CDC14A: variants seen among roughly 807,000 people sequenced by gnomAD.
The protein encoded by CDC14A is dual specificity protein phosphatase CDC14A.
Under a neutral mutation model 74.4 loss-of-function variants are expected in CDC14A, and 53 were observed. The ratio of observed to expected loss-of-function variants is 0.71; its 90% CI spans 0.57 to 0.89. The LOEUF is 0.89. CDC14A is among the 40% of genes least tolerant of loss of function. CDC14A has a pLI of 0.00. For synonymous variants in CDC14A, 247 were observed against 258.4 expected, an observed-to-expected ratio of 0.96 and a Z score of 0.43; for missense variants, 646 against 713.7, an observed-to-expected ratio of 0.91 and a Z score of 1.08.
chr1:100,446,234 A>C (rs369414901), intron 7 of CDC14A, among the ~76,000 whole-genome samples: 204 of 152,324 alleles, frequency 1.3e-3, no homozygotes, highest in African/African-American at 4.7e-3. Context: ...TCTTTGCTAA[A>C]GTACATTTAG....
chr1:100,492,545 C>T (rs1460373905), intron 11 of CDC14A, among the ~76,000 whole-genome samples: 2 of 152,112 alleles, frequency 1.3e-5, no homozygotes, highest in Non-Finnish European at 2.9e-5. Flanking sequence ...TAACTATATT[C>T]GTTAAATCAA....
At chr1:100,510,894 C>A (rs1301777232) in intron 15 of CDC14A, among the ~76,000 whole-genome samples, 1 of 152,208 alleles carries the variant, frequency 6.6e-6, no homozygotes, top group East Asian at 1.9e-4. Flanking sequence ...CAACACAACC[C>A]CTTCCTGATC....
At chr1:100,445,063 C>T (rs1665388406) in intron 7 of CDC14A, among the ~76,000 whole-genome samples, 1 of 152,150 alleles carries the variant, frequency 6.6e-6, no homozygotes, top group South Asian at 2.1e-4. Flanking sequence ...ACTTGTAGTA[C>T]ATCTGAATCA....
chr1:100,372,927 C>G (rs1654683860), intron 2 of CDC14A, among the ~76,000 whole-genome samples: 1 of 152,216 alleles, frequency 6.6e-6, no homozygotes, highest in Non-Finnish European at 1.5e-5. Context: ...CTGGTTTCAT[C>G]TTCTATCCAG....
chr1:100,424,372 G>GT, intron 5 of CDC14A, 71 bp downstream of exon 5: 7 of 1,027,276 alleles, frequency 6.8e-6, no homozygotes, highest in Non-Finnish European at 1.1e-5. Flanking sequence ...GGGTTGTAGT[G>GT]TTTTTTAATT....
At chr1:100,354,732 C>T (rs997926242) in intron 2 of CDC14A, among the ~76,000 whole-genome samples, 1 of 152,158 alleles carries the variant, frequency 6.6e-6, no homozygotes, top group Non-Finnish European at 1.5e-5. Flanking sequence ...CTATTTTAAA[C>T]GTTTAAATTA....
intron 8 of CDC14A, among the ~76,000 whole-genome samples, chr1:100,457,865 A>C (rs900577575): frequency 3.3e-5 from 5 of 151,990 alleles, no homozygotes; most frequent in African/African-American, 1.2e-4. Context: ...GAAGTTTTTC[A>C]CTTTTTAAAA....
At chr1:100,480,003 A>G (rs893392401) in intron 10 of CDC14A, among the ~76,000 whole-genome samples, 5 of 152,222 alleles carry the variant, frequency 3.3e-5, no homozygotes, top group Non-Finnish European at 5.9e-5. Flanking sequence ...TATGTATAAC[A>G]TAAACCTTAC....
chr1:100,410,601 G>A (rs761249947), intron 4 of CDC14A, among the ~76,000 whole-genome samples: 17 of 152,234 alleles, frequency 1.1e-4, no homozygotes, highest in Non-Finnish European at 2.2e-4. Context: ...ACAGGCATGA[G>A]CCACTGTGCC....
intron 2 of CDC14A, among the ~76,000 whole-genome samples, chr1:100,371,821 A>T (rs957632423): frequency 6.6e-6 from 1 of 152,222 alleles, no homozygotes; most frequent in Non-Finnish European, 1.5e-5. Context: ...ATATTCATAT[A>T]CAAGTAGAAA....
At chr1:100,370,074 C>T (rs1164030103) in intron 2 of CDC14A, among the ~76,000 whole-genome samples, 1 of 151,636 alleles carries the variant, frequency 6.6e-6, no homozygotes, top group African/African-American at 2.4e-5. Context: ...GCCTCGACCT[C>T]CCGGGCTCAA....
Position 100,520,260 on chromosome 1 carries a change from A to G in CDC14A, c.*1980A>G, listed in dbSNP as rs528623532. The G allele has an allele frequency of 1.3e-5, 2 of 152,692 alleles. No homozygotes were observed. The highest frequency in any genetic ancestry group is 3.9e-4 in the East Asian group (2 of 5,192). 9.5% of individuals were successfully genotyped at this position (152,692 alleles called of 1,614,324 possible). ...AAGAATACACTGCTAATAAATAATA[A>G]AAGTTTTATTCAATTTACTTATTTT... On this transcript the variant is annotated 3_prime_UTR_variant, in exon 16 of 16. Transcript: ENST00000336454.
In CDC14A at chr1:100,462,820, C is replaced by G; in HGVS notation, c.777C>G (p.Ile259Met). Residue 259 changes from isoleucine to methionine, a missense_variant, in exon 9 of 16, where the codon ATC becomes ATG. Transcript: ENST00000336454. ...ATGGCAGCACACCCAGTGACAACAT[C>G]GTGCGAAGGTTCCTGAACATCTGTG... The part of the protein sequence containing the change: ...FIDGSTPSDN[I>M]VRRFLNICEN... 6.2e-7 allele frequency: 1 copy of G among 1,614,060 alleles called. No individual in the cohort carries two copies. The highest frequency in any genetic ancestry group is 8.5e-7 in the Non-Finnish European group (1 of 1,180,006).
intron 13 of CDC14A, among the ~76,000 whole-genome samples, chr1:100,496,313 G>A (rs867049390): frequency 6.6e-6 from 1 of 151,952 alleles, no homozygotes; most frequent in Non-Finnish European, 1.5e-5. Flanking sequence ...CATTGTGGAG[G>A]GGGGTCTCTA....
intron 2 of CDC14A, among the ~76,000 whole-genome samples, chr1:100,366,804 A>G (rs1263523171): frequency 6.6e-6 from 1 of 152,204 alleles, no homozygotes; most frequent in African/African-American, 2.4e-5. Flanking sequence ...AGATGGATGG[A>G]CCGATTTTCC....
At chr1:100,470,216 A>G (rs1226063652) in intron 10 of CDC14A, among the ~76,000 whole-genome samples, 1 of 152,196 alleles carries the variant, frequency 6.6e-6, no homozygotes, top group African/African-American at 2.4e-5. Flanking sequence ...GATTATCCCA[A>G]TAGATGTACA....
intron 2 of CDC14A, among the ~76,000 whole-genome samples, chr1:100,370,652 A>G (rs1379392271): frequency 6.6e-6 from 1 of 152,134 alleles, no homozygotes; most frequent in East Asian, 1.9e-4. Flanking sequence ...GTTCTCTATA[A>G]TGTTCCATTG....
chr1:100,414,669 G>C (rs973432210), intron 4 of CDC14A, among the ~76,000 whole-genome samples: 3 of 152,160 alleles, frequency 2.0e-5, no homozygotes, highest in Non-Finnish European at 4.4e-5. Context: ...CAGTTTGGGA[G>C]TATGTATTAT....
intron 1 of CDC14A, chr1:100,345,264 G>A (rs1650316107): frequency 6.6e-6 from 1 of 152,146 alleles, no homozygotes; most frequent in South Asian, 2.1e-4. Context: ...GTATTCATTT[G>A]AGACTTGTGA....
Sources: gnomAD v4.1 joint callset for allele counts (sites outside exome capture counted in the v4.1 genomes callset) on GRCh38, gnomAD v4.1.1 for gene constraint, MANE v1.5 for transcripts, NCBI Gene and HGNC (gene_info 2026-07-23, HGNC 2026-07-21) for gene names.